MACROD2: variants seen among roughly 807,000 people sequenced by gnomAD.
MACROD2 encodes ADP-ribose glycohydrolase MACROD2.
A neutral mutation model predicts 70.4 loss-of-function variants in MACROD2; 36 were observed. The observed-to-expected ratio is 0.51, with a 90% confidence interval of 0.39 to 0.68. MACROD2 has a LOEUF of 0.68. MACROD2 is among the 30% of genes least tolerant of loss of function. The pLI is 0.00. For synonymous variants in MACROD2, 172 were observed against 178.8 expected, an observed-to-expected ratio of 0.96 and a Z score of 0.30; for missense variants, 496 against 538.4, an observed-to-expected ratio of 0.92 and a Z score of 0.78.
intron 8 of MACROD2, among the ~76,000 whole-genome samples, chr20:15,739,489 C>T (rs185602368): frequency 2.0e-5 from 3 of 152,150 alleles, no homozygotes; most frequent in Admixed American, 2.0e-4. Context: ...AATGAGCCAG[C>T]AGAAAATAGT....
At chr20:14,629,648 T>G (rs1352284725) in intron 4 of MACROD2, among the ~76,000 whole-genome samples, 1 of 152,142 alleles carries the variant, frequency 6.6e-6, no homozygotes, top group Non-Finnish European at 1.5e-5. Context: ...TGATTCCATC[T>G]TTTCTTCCCT....
In MACROD2 at chr20:14,952,675, T is replaced by C. The variant is rs572903373; in HGVS notation, c.418+267716T>C. ...TTGTACAGTATTTGTGATATTTCTA[T>C]CATCATATATCATCAGTGGAAATAT... On this transcript the variant is annotated intron_variant, in intron 5 of 17. Coordinates refer to ENST00000684519, the MANE Select transcript of MACROD2 (RefSeq NM_001351661.2). Among the ~76,000 whole-genome samples the C allele has an allele frequency of 1.1e-3, 169 of 152,252 alleles. 1 individual carries two copies. The highest frequency in any genetic ancestry group is 1.8e-3 in the Non-Finnish European group (125 of 68,018).
At chr20:14,776,518 T>C (rs977877131) in intron 5 of MACROD2, among the ~76,000 whole-genome samples, 5 of 152,034 alleles carry the variant, frequency 3.3e-5, no homozygotes, top group African/African-American at 1.2e-4. Context: ...TAGCCACATA[T>C]GGCAGAGACA....
chr20:15,748,065 G>A (rs1366766356), intron 8 of MACROD2, among the ~76,000 whole-genome samples: 1 of 152,162 alleles, frequency 6.6e-6, no homozygotes, highest in Non-Finnish European at 1.5e-5. Flanking sequence ...TCTGAAGTGT[G>A]TGCAGATCTC....
At chr20:15,649,227 TTTCTTTCTTTCTTTC>T (rs2049606947) in intron 8 of MACROD2, among the ~76,000 whole-genome samples, 1 of 147,994 alleles carries the variant, frequency 6.8e-6, no homozygotes, top group Non-Finnish European at 1.5e-5. Flanking sequence ...TCTTTCTTTC[TTTCTTTCTTTCTTTC>T]TTTCTTCTTT....
At chr20:15,416,791 T>TA (rs2046157945) in intron 6 of MACROD2, among the ~76,000 whole-genome samples, 1 of 151,944 alleles carries the variant, frequency 6.6e-6, no homozygotes, top group African/African-American at 2.4e-5. Flanking sequence ...TAGTCCCAGC[T>TA]ACTCGGGAGG....
intron 8 of MACROD2, among the ~76,000 whole-genome samples, chr20:15,528,464 A>T (rs577888863): frequency 6.6e-6 from 1 of 152,310 alleles, no homozygotes; most frequent in Non-Finnish European, 1.5e-5. Context: ...AAGCAGTGCT[A>T]TTGGCTTCCT....
intron 2 of MACROD2, among the ~76,000 whole-genome samples, chr20:14,062,329 A>G (rs2053700519): frequency 6.6e-6 from 1 of 152,200 alleles, no homozygotes; most frequent in Admixed American, 6.5e-5. Context: ...TACGCAAAAC[A>G]CATGGATCTA....
At chr20:16,036,138 A>G (rs929909424) in intron 15 of MACROD2, among the ~76,000 whole-genome samples, 2 of 152,028 alleles carry the variant, frequency 1.3e-5, no homozygotes, top group Non-Finnish European at 2.9e-5. Flanking sequence ...ATTCAATACA[A>G]TTGAATCCAG....
At chr20:15,363,440 T>C (rs934976483) in intron 6 of MACROD2, among the ~76,000 whole-genome samples, 1 of 152,228 alleles carries the variant, frequency 6.6e-6, no homozygotes, top group Non-Finnish European at 1.5e-5. Flanking sequence ...AAAGGCACCA[T>C]GGCAATATAT....
chr20:15,977,664 A>G (rs1319994940), intron 13 of MACROD2, among the ~76,000 whole-genome samples: 1 of 152,144 alleles, frequency 6.6e-6, no homozygotes, highest in Non-Finnish European at 1.5e-5. Flanking sequence ...ATAAAACAAA[A>G]TTTCTCTCTT....
intron 5 of MACROD2, among the ~76,000 whole-genome samples, chr20:15,185,828 G>A (rs1448377575): frequency 6.6e-6 from 1 of 152,164 alleles, no homozygotes; most frequent in East Asian, 1.9e-4. Context: ...AATACTAGAA[G>A]GAAATGAGTT....
At position 14,196,619 on chromosome 20, in the gene MACROD2, A is replaced by G. The variant is rs550469996; in HGVS notation, c.271+110891A>G. Among the ~76,000 whole-genome samples the G allele has an allele frequency of 2.0e-5, 3 of 152,268 alleles. No individual in the cohort carries two copies. In the East Asian group the frequency reaches 5.8e-4, roughly 29 times the overall value. ...TCAAAATAGCCTAAATAAAAGGGAG[A>G]GTGTAGAATATCTTGGTGTATATTT... On this transcript the variant is annotated intron_variant, in intron 3 of 17. Transcript: ENST00000684519.
At chr20:15,210,552 G>GTTTTTTTTTTTTTTTTTGTTTT (rs2076753968) in intron 5 of MACROD2, among the ~76,000 whole-genome samples, 2 of 121,652 alleles carry the variant, frequency 1.6e-5, no homozygotes, top group Non-Finnish European at 3.3e-5. Context: ...CTTTTCTTCT[G>GTTTTTTTTTTTTTTTTTGTTTT]TTTTTTTTTT....
chr20:14,314,643 C>T (rs1016093176), intron 3 of MACROD2, among the ~76,000 whole-genome samples: 2 of 152,028 alleles, frequency 1.3e-5, no homozygotes, highest in Admixed American at 6.6e-5. Flanking sequence ...GCCTGTAATC[C>T]CAGCTACTTG....
chr20:15,608,133 G>T (rs1568925891), intron 8 of MACROD2, among the ~76,000 whole-genome samples: 2 of 152,022 alleles, frequency 1.3e-5, no homozygotes, highest in Non-Finnish European at 2.9e-5. Context: ...TTTGTAGATT[G>T]CGAGATATAA....
intron 5 of MACROD2, among the ~76,000 whole-genome samples, chr20:15,214,235 T>C (rs574531967): frequency 1.3e-5 from 2 of 152,314 alleles, no homozygotes; most frequent in South Asian, 4.1e-4. Context: ...TTGACCCATT[T>C]AGAGGAATGC....
intron 4 of MACROD2, among the ~76,000 whole-genome samples, chr20:14,589,026 G>GA (rs1267107856): frequency 6.6e-6 from 1 of 151,906 alleles, no homozygotes. Context: ...CATTATCTCA[G>GA]AAAAAAAGTG....
intron 12 of MACROD2, among the ~76,000 whole-genome samples, chr20:15,955,718 A>G (rs2065967180): frequency 6.6e-6 from 1 of 152,228 alleles, no homozygotes; most frequent in Non-Finnish European, 1.5e-5. Flanking sequence ...AAAAAGGCAC[A>G]CTAAGAAAAA....
Sources: allele counts gnomAD v4.1 joint callset (sites outside exome capture counted in the v4.1 genomes callset), GRCh38; gene constraint gnomAD v4.1.1; transcripts MANE v1.5; gene names NCBI Gene and HGNC (gene_info 2026-07-23, HGNC 2026-07-21).